Variants in PLD5 observed in about 807,000 individuals in gnomAD.
PLD5 encodes inactive phospholipase D5.
A neutral mutation model predicts 61.1 loss-of-function variants in PLD5; 36 were observed. The observed-to-expected ratio is 0.59, with a 90% confidence interval of 0.45 to 0.78. PLD5 has a LOEUF of 0.78. Ranked by LOEUF, PLD5 falls within the 30% of genes least tolerant of loss-of-function variation. The pLI, the probability that PLD5 is intolerant of heterozygous loss-of-function variation, is 0.00. For synonymous variants in PLD5, 243 were observed against 242.8 expected (o/e 1.00, Z -0.01); for missense variants, 515 against 644.4 (o/e 0.80, Z 2.17).
intron 1 of PLD5, among the ~76,000 whole-genome samples, chr1:242,513,429 A>G (rs1404985539): frequency 6.6e-6 from 1 of 150,934 alleles, no homozygotes; most frequent in Admixed American, 6.6e-5. Context: ...GAGGGCAGAG[A>G]TAGACAGCCA....
chr1:242,366,534 A>T (rs761423425), intron 1 of PLD5, among the ~76,000 whole-genome samples: 1 of 152,198 alleles, frequency 6.6e-6, no homozygotes, highest in Non-Finnish European at 1.5e-5. Flanking sequence ...TTGTATTTAG[A>T]TTGGTGCAAA....
intron 2 of PLD5, among the ~76,000 whole-genome samples, chr1:242,325,432 T>TGG (rs1189443037): frequency 5.1e-5 from 1 of 19,430 alleles, no homozygotes; most frequent in Non-Finnish European, 9.8e-5. Flanking sequence ...GAGAAAGGGG[T>TGG]GGGGGGGAGA....
At chr1:242,504,538 A>T (rs1469958876) in intron 1 of PLD5, among the ~76,000 whole-genome samples, 1 of 152,044 alleles carries the variant, frequency 6.6e-6, no homozygotes, top group Non-Finnish European at 1.5e-5. Context: ...AATTATCAGC[A>T]AGCTGTTCTT....
intron 1 of PLD5, among the ~76,000 whole-genome samples, chr1:242,448,418 A>G (rs936191923): frequency 6.6e-6 from 1 of 152,230 alleles, no homozygotes; most frequent in African/African-American, 2.4e-5. Flanking sequence ...TGTGCAGTCA[A>G]ATAAGTATAT....
At chr1:242,333,538 GT>G (rs575340569) in intron 2 of PLD5, among the ~76,000 whole-genome samples, 116 of 152,156 alleles carry the variant, frequency 7.6e-4, no homozygotes, top group African/African-American at 2.4e-3. Context: ...CCAGGGACTG[GT>G]TACGGGAAAG....
chr1:242,105,101 A>T (rs974584949), intron 8 of PLD5, among the ~76,000 whole-genome samples: 2 of 152,308 alleles, frequency 1.3e-5, no homozygotes, highest in African/African-American at 2.4e-5. Context: ...ACAGTGACAA[A>T]CTATTTGGTA....
intron 1 of PLD5, among the ~76,000 whole-genome samples, chr1:242,394,377 TGTGTGTATATATGAGTATATA>T (rs1663246186): frequency 3.0e-5 from 3 of 100,858 alleles, no homozygotes; most frequent in Non-Finnish European, 5.9e-5. Context: ...TGAGTATATA[TGTGTGTATATATGAGTATATA>T]TGTGTGTATA....
chr1:242,131,596 G>A (rs1663256757), intron 5 of PLD5, among the ~76,000 whole-genome samples: 1 of 152,118 alleles, frequency 6.6e-6, no homozygotes, highest in African/African-American at 2.4e-5. Context: ...AAGAGATTAA[G>A]GGTCTTCAAG....
intron 5 of PLD5, among the ~76,000 whole-genome samples, chr1:242,191,639 A>G (rs1425018969): frequency 6.6e-6 from 1 of 152,144 alleles, no homozygotes; most frequent in East Asian, 1.9e-4. Flanking sequence ...CAGAAAAAGG[A>G]ACAAACCCAG....
intron 4 of PLD5, among the ~76,000 whole-genome samples, 191 bp from the exon 5 acceptor site, chr1:242,220,306 T>TAAAAG (rs113967982): frequency 0.034 from 5,087 of 151,210 alleles, 120 homozygotes; most frequent in Non-Finnish European, 0.045. Context: ...CAAAGAAAAC[T>TAAAAG]AAAAGAAAAG....
chr1:242,139,253 GT>G lies in PLD5; in HGVS notation c.736-14589del, dbSNP rs566725958. ...AATTTCTGCTTTTGTTTTCAGTTAG[GT>G]TTTTTTTTTAATTTTTCTTTTTCAA... On this transcript the variant is annotated intron_variant, in intron 5 of 9. Transcript: ENST00000536534. 2.7e-4 allele frequency among the ~76,000 whole-genome samples: 41 copies of G among 149,136 alleles called. 1 individual carries two copies. The highest frequency in any genetic ancestry group is 3.9e-4 in the East Asian group (2 of 5,124).
At chr1:242,205,272 C>A (rs987719048) in intron 5 of PLD5, among the ~76,000 whole-genome samples, 24 of 152,172 alleles carry the variant, frequency 1.6e-4, no homozygotes, top group African/African-American at 4.8e-4. Flanking sequence ...GCTCTTATTT[C>A]TTCAAGTAAT....
chr1:242,126,466 T>C (rs772205078), intron 5 of PLD5, among the ~76,000 whole-genome samples: 16 of 152,206 alleles, frequency 1.1e-4, no homozygotes, highest in Admixed American at 2.6e-4. Context: ...AATAGGCGCA[T>C]AGCCCAATGG....
At chr1:242,508,224 T>A (rs1668790811) in intron 1 of PLD5, among the ~76,000 whole-genome samples, 1 of 136,418 alleles carries the variant, frequency 7.3e-6, no homozygotes, top group Non-Finnish European at 1.6e-5. Flanking sequence ...AAAAAAAAAA[T>A]TAGCTGGGCA....
chr1:242,358,440 G>A (rs1357246873), intron 1 of PLD5, among the ~76,000 whole-genome samples: 2 of 151,912 alleles, frequency 1.3e-5, no homozygotes, highest in African/African-American at 4.8e-5. Flanking sequence ...GAATGGGCCA[G>A]CTGGTAATGA....
intron 1 of PLD5, among the ~76,000 whole-genome samples, chr1:242,441,381 T>C (rs1666267205): frequency 6.6e-6 from 1 of 152,100 alleles, no homozygotes; most frequent in South Asian, 2.1e-4. Flanking sequence ...AATATCTCTA[T>C]ATAAAACCAA....
At position 242,086,164 on chromosome 1, in the gene PLD5, C is replaced by G. The variant is rs1368572650; in HGVS notation, c.*3690G>C. The G allele has an allele frequency of 6.6e-6, 1 of 152,104 alleles. No homozygotes were observed. Among genetic ancestry groups the G allele is most frequent in the Non-Finnish European group, 1.5e-5 (1 of 68,038 alleles). 9.4% of individuals were successfully genotyped at this position (152,104 alleles called of 1,614,324 possible). A position where few individuals can be genotyped will look rare whatever the true frequency, so the allele number is the denominator to read the frequency against. ...AGATCAACCAAAAATGTGATCAGAC[C>G]CCTCTCACCAAGAACCATTCAGACA... On this transcript the variant is annotated 3_prime_UTR_variant, in exon 10 of 10. Transcript: ENST00000536534.
At chr1:242,205,863 G>A (rs1669284674) in intron 5 of PLD5, among the ~76,000 whole-genome samples, 1 of 152,122 alleles carries the variant, frequency 6.6e-6, no homozygotes, top group Non-Finnish European at 1.5e-5. Flanking sequence ...TCAGTCCTTT[G>A]TTCTTTTAAT....
intron 5 of PLD5, among the ~76,000 whole-genome samples, chr1:242,159,575 G>A (rs1665663269): frequency 6.6e-6 from 1 of 152,046 alleles, no homozygotes; most frequent in African/African-American, 2.4e-5. Context: ...TCCGAGGTGG[G>A]GCTTTCTCCG....
Sources: gnomAD v4.1 joint callset for allele counts (sites outside exome capture counted in the v4.1 genomes callset) on GRCh38, gnomAD v4.1.1 for gene constraint, MANE v1.5 for transcripts, NCBI Gene and HGNC (gene_info 2026-07-23, HGNC 2026-07-21) for gene names.